The following ERGIC3 variants were observed in gnomAD, a reference collection of about 807,000 sequenced individuals.
ERGIC3 encodes endoplasmic reticulum-Golgi intermediate compartment protein 3.
In ERGIC3, 33 loss-of-function variants were observed where a neutral mutation model predicts 54.7. The ratio of observed to expected loss-of-function variants is 0.60; its 90% CI spans 0.46 to 0.81. ERGIC3 has a LOEUF of 0.81. Among genes scored for constraint, ERGIC3 ranks in the 30% least tolerant of loss-of-function variants. The probability of loss-of-function intolerance (pLI) is 0.00; values close to 1 mark genes in which losing one functional copy is unlikely to be tolerated. For synonymous variants in ERGIC3, 186 were observed against 189.8 expected (o/e 0.98, Z 0.16); for missense variants, 399 against 488.4 (o/e 0.82, Z 1.73).
intron 4 of ERGIC3, chr20:35,544,346 G>A (rs935224186): frequency 2.1e-5 from 5 of 243,830 alleles, no homozygotes; most frequent in East Asian, 1.4e-4. Flanking sequence ...GAGCCACTGC[G>A]CCTGGCCTAC....
chr20:35,547,692 G>A (rs113834091), intron 5 of ERGIC3, among the ~76,000 whole-genome samples, 187 bp downstream of exon 5: 22 of 152,346 alleles, frequency 1.4e-4, no homozygotes, highest in African/African-American at 4.8e-4. Context: ...TCTGGGAGCT[G>A]CAGACCTAGA....
Position 35,542,130 on chromosome 20 carries a change from T to C in ERGIC3, c.33T>C (p.Asp11=). ...CGCTGGGGAAGCTGAAGCAGTTCGA[T>C]GCCTACCCCAAGACTTTGGAGGACT... MEALGKLKQF[D]AYPKTLEDFR... is the part of the protein sequence containing the mutation. The change falls in exon 1 of 13, where the codon GAT becomes GAC. Residue 11 remains aspartate, a synonymous_variant. Coordinates refer to ENST00000348547, the MANE Select transcript of ERGIC3 (RefSeq NM_015966.3). 6.4e-7 allele frequency: 1 copy of C among 1,566,530 alleles called. No individual in the cohort carries two copies. Among genetic ancestry groups the C allele is most frequent in the Non-Finnish European group, 8.6e-7 (1 of 1,156,810 alleles).
intron 4 of ERGIC3, chr20:35,544,086 A>G: frequency 5.1e-6 from 1 of 197,152 alleles, no homozygotes; most frequent in Non-Finnish European, 1.0e-5. Context: ...ACAGAGTCTC[A>G]CTTTGTCGCC....
chr20:35,543,072 C>T (rs568064057), intron 4 of ERGIC3, 131 bp downstream of exon 4: 36 of 1,336,252 alleles, frequency 2.7e-5, no homozygotes, highest in Admixed American at 5.8e-5. Flanking sequence ...AAGTGACTTG[C>T]CTAGGGTCCC....
chr20:35,556,473 T>C, intron 10 of ERGIC3: 1 of 605,094 alleles, frequency 1.7e-6, no homozygotes, highest in Non-Finnish European at 2.9e-6. Context: ...CGCCTGCTCT[T>C]TCTGCTGCCC....
Position 35,557,289 on chromosome 20 carries a change from G to A in ERGIC3, c.1072+40G>A, listed in dbSNP as rs115747345. 2.6e-3 allele frequency: 4,206 copies of A among 1,613,808 alleles called. 74 individuals carry two copies. In the African/African-American group the frequency reaches 0.047, roughly 18 times the overall value. On this transcript the variant is annotated intron_variant, in intron 12 of 12. Transcript: ENST00000348547. Reference sequence around the variant, plus strand: ...GCGTCTGTGAGCTGTGGGGTGGGGAGGGTAAAGCCTGGGTGCCCCAGGTTT... The same window carrying A: ...GCGTCTGTGAGCTGTGGGGTGGGGAAGGTAAAGCCTGGGTGCCCCAGGTTT...
chr20:35,544,046 C>G (rs1568868505), intron 4 of ERGIC3: 1 of 221,226 alleles, frequency 4.5e-6, no homozygotes, highest in African/African-American at 2.3e-5. Context: ...ATCTATCTAT[C>G]TATCTATCTA....
Position 35,547,514 on chromosome 20 carries a change from G to T in ERGIC3, c.461+9G>T, listed in dbSNP as rs187103039. On this transcript the variant is annotated intron_variant, in intron 5 of 12. Coordinates refer to ENST00000348547, the MANE Select transcript of ERGIC3 (RefSeq NM_015966.3). ...GAGGCAGAAGATATCAAGTGAGCTG[G>T]CGGGGAGCGGGAGCAGGGTTCCCAT... 1,074 of 1,609,018 alleles carry T rather than the reference G, an allele frequency of 6.7e-4. 8 individuals are homozygous for T. The African/African-American group carries it at 0.013, about 19-fold the overall frequency.
intron 10 of ERGIC3, 104 bp downstream of exon 10, chr20:35,556,375 A>C: frequency 1.6e-6 from 2 of 1,233,766 alleles, no homozygotes; most frequent in Non-Finnish European, 2.4e-6. Flanking sequence ...CCTCGTCCTC[A>C]CATGGCGAAT....
chr20:35,544,141 G>A (rs2147302739), intron 4 of ERGIC3: 1 of 187,034 alleles, frequency 5.3e-6, no homozygotes, highest in East Asian at 1.5e-4. Flanking sequence ...TGCAACCTCC[G>A]CCTCCCAGGT....
rs148479844 is a variant in ERGIC3 at position 35,550,763 on chromosome 20, C to G, written c.685+1898C>G. Among the ~76,000 whole-genome samples the G allele has an allele frequency of 3.5e-3, 527 of 152,282 alleles. 3 individuals are homozygous for G. The highest frequency in any genetic ancestry group is 0.012 in the African/African-American group (514 of 41,552). ...GGTGAGGCATGATCTGACTTAAAAG[C>G]TCTCCAGCTGCTCTGTGGACAAGAC... On this transcript the variant is annotated intron_variant, in intron 7 of 12. Transcript: ENST00000348547.
At chr20:35,544,264 C>G in intron 4 of ERGIC3, 1 of 180,642 alleles carries the variant, frequency 5.5e-6, no homozygotes. Context: ...CCTTGTTGGG[C>G]CAGATGGTCT....
intron 12 of ERGIC3, 81 bp downstream of exon 12, chr20:35,557,330 G>T (rs994811695): frequency 1.9e-6 from 3 of 1,609,654 alleles, no homozygotes; most frequent in African/African-American, 2.7e-5. Context: ...GGGGTGAAGG[G>T]GCAGATGCTG....
chr20:35,554,375 A>C (rs758227934), intron 7 of ERGIC3: 1 of 1,614,034 alleles, frequency 6.2e-7, no homozygotes, highest in Non-Finnish European at 8.5e-7. Flanking sequence ...GCTGCAGTAC[A>C]TGCTGTGGAG....
intron 4 of ERGIC3, chr20:35,544,212 G>C (rs934172093): frequency 5.6e-6 from 1 of 177,188 alleles, no homozygotes; most frequent in African/African-American, 2.4e-5. Context: ...GTGCCACCAT[G>C]CCCAGCTAAT....
rs1320081858 is a variant in ERGIC3, at chr20:35,557,452, A to G, written c.1100A>G (p.Tyr367Cys). The G allele has an allele frequency of 6.2e-7, 1 of 1,614,100 alleles. No individual in the cohort carries two copies. The highest frequency in any genetic ancestry group is 8.5e-7 in the Non-Finnish European group (1 of 1,180,010). ...TVAGLIDSLI[Y>C]HSARAIQKKI... ...GCTGGACTCATCGATTCGCTCATCT[A>G]CCACTCAGCACGAGCCATCCAGAAG... Residue 367 changes from tyrosine (Y) to cysteine (C), a missense_variant, in exon 13 of 13, where the codon TAC becomes TGC. By Grantham distance (194) the Tyr-to-Cys change is radical. Transcript: ENST00000348547.
chr20:35,546,440 G>A (rs1333593086), intron 4 of ERGIC3, among the ~76,000 whole-genome samples: 1 of 152,172 alleles, frequency 6.6e-6, no homozygotes, highest in African/African-American at 2.4e-5. Flanking sequence ...GGGGTTTTGG[G>A]AGCCTAAGGA....
At chr20:35,545,581 A>G (rs2064644674) in intron 4 of ERGIC3, among the ~76,000 whole-genome samples, 1 of 151,974 alleles carries the variant, frequency 6.6e-6, no homozygotes, top group African/African-American at 2.4e-5. Flanking sequence ...AACAACAACA[A>G]AAAAACGTGT....
At chr20:35,544,892 T>A (rs955655186) in intron 4 of ERGIC3, 1 of 136,708 alleles carries the variant, frequency 7.3e-6, no homozygotes, top group Non-Finnish European at 1.5e-5. Context: ...AACCTCTGCC[T>A]CCCGGCTTCA....
Sources: allele counts gnomAD v4.1 joint callset (sites outside exome capture counted in the v4.1 genomes callset), GRCh38; gene constraint gnomAD v4.1.1; transcripts MANE v1.5; gene names NCBI Gene and HGNC (gene_info 2026-07-23, HGNC 2026-07-21).